ABHD2: variants seen among roughly 807,000 people sequenced by gnomAD.
The protein encoded by ABHD2 is monoacylglycerol lipase ABHD2.
A neutral mutation model predicts 48.1 loss-of-function variants in ABHD2; 20 were observed. The observed-to-expected ratio is 0.42, with a 90% CI of 0.29 to 0.60. The LOEUF (loss-of-function observed/expected upper bound fraction) is 0.60, where lower values mean the gene tolerates loss of function less well. ABHD2 is among the 20% of genes least tolerant of loss of function. The probability of loss-of-function intolerance (pLI) is 0.24; values close to 1 mark genes in which losing one functional copy is unlikely to be tolerated. For synonymous variants in ABHD2, 209 were observed against 214.2 expected, an observed-to-expected ratio of 0.98 and a Z score of 0.21; for missense variants, 405 against 550.9, an observed-to-expected ratio of 0.74 and a Z score of 2.65.
Position 89,153,846 on chromosome 15 carries a change from C to A in ABHD2, c.371-1521C>A, listed in dbSNP as rs530345295. 2.8e-4 allele frequency among the ~76,000 whole-genome samples: 43 copies of A among 152,278 alleles called. 1 individual carries two copies. The South Asian group carries it at 8.9e-3, about 32-fold the overall frequency. On this transcript the variant is annotated intron_variant, in intron 4 of 10. Coordinates refer to ENST00000352732, the MANE Select transcript of ABHD2 (RefSeq NM_152924.5). ...ATTGTTTTTCCAAAATCTGAATTAT[C>A]ATATGTGATATTATAAAGACTTTCC... is the stretch of plus-strand genomic sequence containing the variant.
chr15:89,109,227 C>T (rs1016680590), intron 1 of ABHD2, among the ~76,000 whole-genome samples: 3 of 152,170 alleles, frequency 2.0e-5, no homozygotes, highest in Non-Finnish European at 4.4e-5. Flanking sequence ...AAATACCAGT[C>T]AAGCTTGTCT....
chr15:89,175,669 C>A lies in ABHD2; in HGVS notation c.539-143C>A. On this transcript the variant is annotated intron_variant, in intron 5 of 10. Coordinates refer to ENST00000352732, the MANE Select transcript of ABHD2 (RefSeq NM_152924.5). This position sits in a 1 kb window ranked among gnomAD's most constrained non-coding sequence, Gnocchi z 5.7. ...TCTGTCTCTCTCTCCACACACATCCCCCGACACACACACGTATATATACAC... is the reference window on the plus strand; with the variant it reads ...TCTGTCTCTCTCTCCACACACATCCACCGACACACACACGTATATATACAC... The A allele has an allele frequency of 1.2e-6, 1 of 844,258 alleles. No homozygotes were observed. The allele number at this position is 844,258 out of a possible 1,614,324, so 52.3% of individuals were successfully genotyped here.
Position 89,195,542 on chromosome 15 carries a change from G to A in ABHD2, c.*119G>A. ...GGATCTGACCTCACACCATCAGCAG[G>A]GGGCACCCACCATGCACACCTGTCT... On this transcript the variant is annotated 3_prime_UTR_variant, in exon 11 of 11. Transcript: ENST00000352732. This position sits in a 1 kb window ranked among gnomAD's most constrained non-coding sequence, Gnocchi z 5.1. The A allele has an allele frequency of 1.8e-6, 2 of 1,115,876 alleles. No individual in the cohort carries two copies. The highest frequency in any genetic ancestry group is 1.6e-5 in the South Asian group (1 of 61,250). The allele number at this position is 1,115,876 out of a possible 1,614,324, so 69.1% of individuals were successfully genotyped here.
the ABHD2 span, among the ~76,000 whole-genome samples, chr15:89,064,928 GC>G: frequency 6.6e-6 from 1 of 152,046 alleles, no homozygotes; most frequent in South Asian, 2.1e-4. Flanking sequence ...TGCAGGCCCT[GC>G]CCCATCTCAT....
intron 3 of ABHD2, among the ~76,000 whole-genome samples, chr15:89,134,697 T>C (rs780201636): frequency 6.6e-6 from 1 of 152,194 alleles, no homozygotes. Context: ...CTTAAGTTTA[T>C]AGGTAATTTA....
At position 89,201,835 on chromosome 15, in the gene ABHD2, C is replaced by A; in HGVS notation, c.*6412C>A. ...ACAGCGCAGAGCAGGGGGCGGCTTGCTCGCTGGGGGCGGGGGACGATGGCG... is the reference window on the plus strand; with the variant it reads ...ACAGCGCAGAGCAGGGGGCGGCTTGATCGCTGGGGGCGGGGGACGATGGCG... On this transcript the variant is annotated 3_prime_UTR_variant, in exon 11 of 11. Transcript: ENST00000352732. 4.5e-6 allele frequency: 5 copies of A among 1,103,102 alleles called. No individual in the cohort carries two copies. The highest frequency in any genetic ancestry group is 6.6e-6 in the Non-Finnish European group (5 of 752,054). The allele number at this position is 1,103,102 out of a possible 1,614,324, so 68.3% of individuals were successfully genotyped here. A position where few individuals can be genotyped will look rare whatever the true frequency, so the allele number is the denominator to read the frequency against.
chr15:89,080,002 CAT>C, the ABHD2 span, among the ~76,000 whole-genome samples: 1 of 152,194 alleles, frequency 6.6e-6, no homozygotes, highest in African/African-American at 2.4e-5. Flanking sequence ...AGCCCCCAAT[CAT>C]AGGGCAGAAA....
rs117710283 is a variant in ABHD2 at position 89,109,358 on chromosome 15, C to T, written c.-106-4367C>T. On this transcript the variant is annotated intron_variant, in intron 1 of 10. Coordinates refer to ENST00000352732, the MANE Select transcript of ABHD2 (RefSeq NM_152924.5). The stretch of plus-strand genomic sequence containing the variant: ...GAATTCTGACTACCATTTACAGCAC[C>T]TAAATCCCATTCATAAAATGGCAGG... Among the ~76,000 whole-genome samples, 1,460 of 152,290 alleles carry T rather than the reference C, an allele frequency of 9.6e-3. 65 individuals carry two copies. The highest frequency in any genetic ancestry group is 0.077 in the East Asian group (399 of 5,182).
At chr15:89,051,564 A>G in the ABHD2 span, among the ~76,000 whole-genome samples, 1 of 152,158 alleles carries the variant, frequency 6.6e-6, no homozygotes, top group East Asian at 1.9e-4. Context: ...CTTGAATTGT[A>G]GCTCCCACAA....
chr15:89,077,722 C>G, the ABHD2 span, among the ~76,000 whole-genome samples: 2 of 152,188 alleles, frequency 1.3e-5, no homozygotes, highest in African/African-American at 4.8e-5. Flanking sequence ...GCTGTCAACC[C>G]TTCCTCCCTT....
chr15:89,109,093 A>G (rs571471652), intron 1 of ABHD2, among the ~76,000 whole-genome samples: 1 of 152,326 alleles, frequency 6.6e-6, no homozygotes, highest in East Asian at 1.9e-4. Flanking sequence ...CCCAGACTGG[A>G]GCTTTTCCCA....
intron 5 of ABHD2, among the ~76,000 whole-genome samples, chr15:89,160,018 TG>T (rs2050738135): frequency 6.6e-6 from 1 of 152,240 alleles, no homozygotes; most frequent in South Asian, 2.1e-4. Flanking sequence ...AGAATTTGGA[TG>T]CTTTGTTGAA....
At chr15:89,153,916 AT>A (rs2050631394) in intron 4 of ABHD2, among the ~76,000 whole-genome samples, 1 of 152,244 alleles carries the variant, frequency 6.6e-6, no homozygotes, top group African/African-American at 2.4e-5. Flanking sequence ...AATTTTAATA[AT>A]TGCTTAATAT....
rs949689076 is a variant in ABHD2, at chr15:89,189,521, T to G, written c.926+1218T>G. Among the ~76,000 whole-genome samples the G allele has an allele frequency of 2.0e-5, 3 of 152,192 alleles. No individual in the cohort carries two copies. The highest frequency in any genetic ancestry group is 7.2e-5 in the African/African-American group (3 of 41,452). ...CCTAAAATATAAAAAATAAATTATTTGATATTTTTAGATGTAGCTTAAAGC... is the reference window on the plus strand; with the variant it reads ...CCTAAAATATAAAAAATAAATTATTGGATATTTTTAGATGTAGCTTAAAGC... On this transcript the variant is annotated intron_variant, in intron 8 of 10. Coordinates refer to ENST00000352732, the MANE Select transcript of ABHD2 (RefSeq NM_152924.5). This position sits in a 1 kb window ranked among gnomAD's most constrained non-coding sequence, Gnocchi z 4.9.
At chr15:89,056,321 C>G in the ABHD2 span, among the ~76,000 whole-genome samples, 1 of 152,072 alleles carries the variant, frequency 6.6e-6, no homozygotes, top group Non-Finnish European at 1.5e-5. Context: ...TGCTTAGTTA[C>G]AAGAATATGT....
chr15:89,149,214 A>AACGCACACAC (rs1450073787), intron 3 of ABHD2, among the ~76,000 whole-genome samples: 1 of 148,238 alleles, frequency 6.7e-6, no homozygotes, highest in African/African-American at 2.5e-5. Flanking sequence ...ATTGATCCCT[A>AACGCACACAC]ACACACACAC....
intron 3 of ABHD2, among the ~76,000 whole-genome samples, chr15:89,138,580 C>G (rs2050352167): frequency 6.6e-6 from 1 of 152,162 alleles, no homozygotes; most frequent in Non-Finnish European, 1.5e-5. Flanking sequence ...ACTCCTCTAA[C>G]AAGAAGTCAG....
chr15:89,080,275 TC>T, the ABHD2 span, among the ~76,000 whole-genome samples: 1 of 152,212 alleles, frequency 6.6e-6, no homozygotes, highest in Non-Finnish European at 1.5e-5. Flanking sequence ...TACAGAGACC[TC>T]TGAAGTTCTT....
chr15:89,085,333 C>G (rs1050975451), upstream of ABHD2, among the ~76,000 whole-genome samples: 7 of 150,592 alleles, frequency 4.6e-5, no homozygotes, highest in African/African-American at 1.8e-4. The surrounding 1 kb of genome is among the most constrained non-coding windows in gnomAD (Gnocchi z 4.2). Context: ...TCAATCCCAA[C>G]GGGCCACTAA....
Sources: gnomAD v4.1 joint callset for allele counts (sites outside exome capture counted in the v4.1 genomes callset) on GRCh38, gnomAD v4.1.1 for gene constraint, Gnocchi (gnomAD v3.1) non-coding constraint, MANE v1.5 for transcripts, NCBI Gene and HGNC (gene_info 2026-07-23, HGNC 2026-07-21) for gene names.